RNF152: variants seen among roughly 807,000 people sequenced by gnomAD.
The protein encoded by RNF152 is ring finger protein 152.
A neutral mutation model predicts 12.7 loss-of-function variants in RNF152; 11 were observed. That is an observed-to-expected ratio of 0.86 (90% confidence interval 0.54 to 1.43). The LOEUF (loss-of-function observed/expected upper bound fraction) is 1.43, where lower values mean the gene tolerates loss of function less well. Ranked by LOEUF, RNF152 falls within the 40% of genes most tolerant of loss-of-function variation. The pLI is 0.00. For missense variants in RNF152, 255 were observed against 274.8 expected (o/e 0.93, Z 0.51); for synonymous variants, 113 against 120.3 (o/e 0.94, Z 0.40).
At chr18:61,890,325 G>A (rs1912897927) in intron 1 of RNF152, 1 of 152,210 alleles carries the variant, frequency 6.6e-6, no homozygotes, top group Non-Finnish European at 1.5e-5. Context: ...TGATTAAATA[G>A]GGTCATATGC....
Position 61,810,491 on chromosome 18 carries a change from A to C in RNF152, c.*5361T>G, listed in dbSNP as rs1000197234. On this transcript the variant is annotated 3_prime_UTR_variant, in exon 2 of 2. Coordinates refer to ENST00000312828, the MANE Select transcript of RNF152 (RefSeq NM_173557.3). ...AGAAACCCCGTCTCTACTTTAAAAA[A>C]TACAAAATTAGCTGGGCATGGAGGC... The C allele has an allele frequency of 2.0e-5, 3 of 152,228 alleles. No individual in the cohort carries two copies. The highest frequency in any genetic ancestry group is 2.9e-5 in the Non-Finnish European group (2 of 68,044). 9.4% of individuals were successfully genotyped at this position (152,228 alleles called of 1,614,324 possible).
At chr18:61,831,874 T>C (rs1909967398) in intron 1 of RNF152, among the ~76,000 whole-genome samples, 1 of 152,062 alleles carries the variant, frequency 6.6e-6, no homozygotes, top group Non-Finnish European at 1.5e-5. Flanking sequence ...AAAAATTATG[T>C]AACCTATTTA....
chr18:61,891,968 A>G (rs1033922463), intron 1 of RNF152, among the ~76,000 whole-genome samples: 31 of 152,172 alleles, frequency 2.0e-4, no homozygotes, highest in African/African-American at 6.8e-4. Flanking sequence ...GATGCGCAGG[A>G]CTCTGCCCTC....
In RNF152 at chr18:61,809,162, T is replaced by G. The variant is rs567575482; in HGVS notation, c.*6690A>C. On this transcript the variant is annotated 3_prime_UTR_variant, in exon 2 of 2. Coordinates refer to ENST00000312828, the MANE Select transcript of RNF152 (RefSeq NM_173557.3). Reference sequence around the variant, plus strand: ...TATTTTCTCCCTCTTTGGGTATATCTGCCTGTCCCTTCACATAGACCCAGT... The same window carrying G: ...TATTTTCTCCCTCTTTGGGTATATCGGCCTGTCCCTTCACATAGACCCAGT... 5 of 152,318 alleles carry G rather than the reference T, an allele frequency of 3.3e-5. No individual in the cohort carries two copies. In the East Asian group the frequency reaches 9.7e-4, roughly 29 times the overall value. The allele number at this position is 152,318 out of a possible 1,614,324, so 9.4% of individuals were successfully genotyped here.
intron 1 of RNF152, among the ~76,000 whole-genome samples, chr18:61,829,780 GT>G (rs1237186632): frequency 6.6e-6 from 1 of 152,110 alleles, no homozygotes; most frequent in Admixed American, 6.5e-5. Context: ...TTCTTATGTT[GT>G]GAGAAGAAGT....
At chr18:61,855,510 G>A (rs1016164737) in intron 1 of RNF152, among the ~76,000 whole-genome samples, 1 of 152,220 alleles carries the variant, frequency 6.6e-6, no homozygotes, top group Non-Finnish European at 1.5e-5. Flanking sequence ...CCAACTTTCT[G>A]GGTGCCACCG....
intron 1 of RNF152, among the ~76,000 whole-genome samples, chr18:61,866,346 C>A (rs1371468099): frequency 6.6e-6 from 1 of 152,172 alleles, no homozygotes; most frequent in African/African-American, 2.4e-5. Context: ...GAGGAAGTCA[C>A]CCTCATTGTC....
At chr18:61,822,581 A>G (rs1235652933) in intron 1 of RNF152, among the ~76,000 whole-genome samples, 1 of 152,240 alleles carries the variant, frequency 6.6e-6, no homozygotes, top group Non-Finnish European at 1.5e-5. Flanking sequence ...AAGTCTAGGC[A>G]TATGAGCCCA....
In RNF152 at chr18:61,815,148, CATG is replaced by C. The variant is rs1362664813; in HGVS notation, c.*701_*703del. ...TTTTCCCATGGGATTAGACATTTCT[CATG>C]ATTTCTCGGTTTATTGCTCCCCTGT... On this transcript the variant is annotated 3_prime_UTR_variant, in exon 2 of 2. Coordinates refer to ENST00000312828, the MANE Select transcript of RNF152 (RefSeq NM_173557.3). The C allele has an allele frequency of 2.0e-5, 3 of 152,606 alleles. No homozygotes were observed. Among genetic ancestry groups the C allele is most frequent in the African/African-American group, 7.2e-5 (3 of 41,442 alleles). 9.5% of individuals were successfully genotyped at this position (152,606 alleles called of 1,614,324 possible).
chr18:61,867,622 T>C (rs1336594769), intron 1 of RNF152, among the ~76,000 whole-genome samples: 5 of 152,134 alleles, frequency 3.3e-5, no homozygotes, highest in Non-Finnish European at 7.4e-5. Context: ...GATGAAACTG[T>C]TATGGCAACC....
rs908658442 is a variant in RNF152, at chr18:61,809,008, G to A, written c.*6844C>T. 1 of 152,238 alleles carries A rather than the reference G, an allele frequency of 6.6e-6. No homozygotes were observed. The highest frequency in any genetic ancestry group is 6.5e-5 in the Admixed American group (1 of 15,280). The allele number at this position is 152,238 out of a possible 1,614,324, so 9.4% of individuals were successfully genotyped here. ...TGAATTGAACTTGGTAGTCCGTACT[G>A]GAATGACAGATTGTGCTTGACTAAG... On this transcript the variant is annotated 3_prime_UTR_variant, in exon 2 of 2. Coordinates refer to ENST00000312828, the MANE Select transcript of RNF152 (RefSeq NM_173557.3).
intron 1 of RNF152, 144 bp from the exon 2 acceptor site, chr18:61,816,742 T>C: frequency 2.8e-6 from 1 of 352,160 alleles, no homozygotes; most frequent in African/African-American, 2.1e-5. Context: ...GACTACAGGA[T>C]TCCCATAACG....
At chr18:61,830,074 T>A (rs1474563046) in intron 1 of RNF152, among the ~76,000 whole-genome samples, 2 of 149,554 alleles carry the variant, frequency 1.3e-5, no homozygotes, top group African/African-American at 2.5e-5. Flanking sequence ...CAGGCTGGAG[T>A]GCAGTGGTGC....
At chr18:61,819,011 G>GTTAT (rs1273890100) in intron 1 of RNF152, among the ~76,000 whole-genome samples, 6 of 152,174 alleles carry the variant, frequency 3.9e-5, no homozygotes, top group African/African-American at 1.4e-4. Context: ...AAAAAATCAG[G>GTTAT]GGACAGGCTA....
intron 1 of RNF152, among the ~76,000 whole-genome samples, chr18:61,817,767 T>A (rs566148422): frequency 6.6e-6 from 1 of 150,706 alleles, no homozygotes; most frequent in East Asian, 1.9e-4. Flanking sequence ...AGTGTTAGCA[T>A]CCTGGTATGG....
chr18:61,821,973 A>G (rs1333440723), intron 1 of RNF152, among the ~76,000 whole-genome samples: 1 of 152,188 alleles, frequency 6.6e-6, no homozygotes, highest in East Asian at 1.9e-4. Context: ...AATGTTGGGG[A>G]CTGCTGCTTC....
intron 1 of RNF152, among the ~76,000 whole-genome samples, chr18:61,833,951 T>C (rs567024958): frequency 6.0e-4 from 91 of 152,338 alleles, no homozygotes; most frequent in African/African-American, 2.1e-3. Context: ...CCTTTAATTA[T>C]GTGTGGTTAG....
At chr18:61,845,273 G>A (rs549627276) in intron 1 of RNF152, among the ~76,000 whole-genome samples, 6 of 152,364 alleles carry the variant, frequency 3.9e-5, no homozygotes, top group Admixed American at 3.3e-4. Context: ...TTATTCACTT[G>A]TGGAGGTGAC....
At chr18:61,842,492 C>T (rs944889979) in intron 1 of RNF152, among the ~76,000 whole-genome samples, 1 of 152,322 alleles carries the variant, frequency 6.6e-6, no homozygotes, top group Admixed American at 6.5e-5. Context: ...TCCCTGGAGA[C>T]TTGTTTTCAC....
Sources: allele counts gnomAD v4.1 joint callset (sites outside exome capture counted in the v4.1 genomes callset), GRCh38; gene constraint gnomAD v4.1.1; transcripts MANE v1.5; gene names NCBI Gene and HGNC (gene_info 2026-07-23, HGNC 2026-07-21).